The following LRRC4C variants were observed in gnomAD, a reference collection of about 807,000 sequenced individuals.
LRRC4C encodes leucine rich repeat containing 4C, also known as leucine-rich repeat-containing protein 4C.
LRRC4C carries 5 observed loss-of-function variants against 33.6 expected under a neutral mutation model. That is an observed-to-expected ratio of 0.15 (90% CI 0.08 to 0.31). The LOEUF is 0.31. LRRC4C is among the 10% of genes least tolerant of loss of function. The pLI is 1.00. For missense variants in LRRC4C, 560 were observed against 796.7 expected (o/e 0.70, Z 3.58); for synonymous variants, 329 against 302.0 (o/e 1.09, Z -0.93).
chr11:41,244,788 G>A (rs1948386190), intron 1 of LRRC4C, among the ~76,000 whole-genome samples: 1 of 152,168 alleles, frequency 6.6e-6, no homozygotes, highest in Admixed American at 6.5e-5. Flanking sequence ...ACTGAACATA[G>A]AACTTTACTC....
chr11:40,877,553 A>C (rs1271369337), intron 2 of LRRC4C, among the ~76,000 whole-genome samples: 1 of 152,154 alleles, frequency 6.6e-6, no homozygotes, highest in Non-Finnish European at 1.5e-5. Flanking sequence ...GCTAGCCAAA[A>C]GGGAAACACA....
chr11:40,890,015 C>G lies in LRRC4C; in HGVS notation c.-407+43620G>C, dbSNP rs180878577. Among the ~76,000 whole-genome samples, 5 of 152,216 alleles carry G rather than the reference C, an allele frequency of 3.3e-5. No homozygotes were observed. The East Asian group carries it at 7.7e-4, about 24-fold the overall frequency. ...AAGTTTAAATAATTAGATTCTTATT[C>G]TACAGACCAGAAACACCTTTTAATC... On this transcript the variant is annotated intron_variant, in intron 2 of 6. Coordinates refer to ENST00000528697, the MANE Select transcript of LRRC4C (RefSeq NM_001258419.2).
At chr11:40,717,981 T>G (rs1250396089) in intron 2 of LRRC4C, among the ~76,000 whole-genome samples, 4 of 152,196 alleles carry the variant, frequency 2.6e-5, no homozygotes, top group South Asian at 2.1e-4. Flanking sequence ...TAGAGACACG[T>G]GTGCATGTGT....
intron 1 of LRRC4C, among the ~76,000 whole-genome samples, chr11:40,968,085 G>T (rs1433770393): frequency 6.6e-6 from 1 of 152,000 alleles, no homozygotes; most frequent in African/African-American, 2.4e-5. Flanking sequence ...GAAATTAAAA[G>T]TGCCACTTCA....
At chr11:40,558,734 G>A (rs142255089) in intron 3 of LRRC4C, among the ~76,000 whole-genome samples, 5 of 152,248 alleles carry the variant, frequency 3.3e-5, no homozygotes, top group African/African-American at 9.6e-5. Flanking sequence ...GGAGGTAAAT[G>A]TGAAGGTTTT....
chr11:41,006,433 C>T (rs1352365578), intron 1 of LRRC4C, among the ~76,000 whole-genome samples: 3 of 152,180 alleles, frequency 2.0e-5, no homozygotes, highest in Admixed American at 1.3e-4. Context: ...ATACATCTCT[C>T]ATCTATTCAT....
intron 2 of LRRC4C, among the ~76,000 whole-genome samples, chr11:40,740,191 C>T (rs900425405): frequency 6.6e-6 from 1 of 151,756 alleles, no homozygotes; most frequent in Non-Finnish European, 1.5e-5. Context: ...AGTAGGATTC[C>T]TGGATCCTAT....
intron 1 of LRRC4C, among the ~76,000 whole-genome samples, chr11:41,217,423 C>T (rs538336697): frequency 3.0e-4 from 45 of 152,166 alleles, no homozygotes; most frequent in African/African-American, 7.9e-4. Flanking sequence ...AAGCAACTTG[C>T]CCAAGGTCAA....
At chr11:41,307,985 G>A (rs1419438547) in intron 1 of LRRC4C, among the ~76,000 whole-genome samples, 2 of 152,120 alleles carry the variant, frequency 1.3e-5, no homozygotes, top group Non-Finnish European at 2.9e-5. Context: ...CCTTTTATAA[G>A]GATTGCATGA....
intron 2 of LRRC4C, among the ~76,000 whole-genome samples, chr11:40,706,264 A>G (rs1366236513): frequency 6.6e-6 from 1 of 152,010 alleles, no homozygotes; most frequent in Non-Finnish European, 1.5e-5. Context: ...TTTTGGTGTT[A>G]TAGTCATGAA....
intron 1 of LRRC4C, among the ~76,000 whole-genome samples, chr11:41,397,992 C>T (rs1953883045): frequency 6.6e-6 from 1 of 151,932 alleles, no homozygotes; most frequent in African/African-American, 2.4e-5. Flanking sequence ...TTTCATCAGC[C>T]TAATGCCTCC....
chr11:40,885,330 C>T lies in LRRC4C; in HGVS notation c.-407+48305G>A, dbSNP rs747146664. Among the ~76,000 whole-genome samples, 12 of 151,890 alleles carry T rather than the reference C, an allele frequency of 7.9e-5. No homozygotes were observed. The South Asian group carries it at 1.0e-3, about 13-fold the overall frequency. ...TTTTTAGAGAAAGCAGATCTGAGCT[C>T]GATAAGGAGCAAGATCTAAGTTGCA... On this transcript the variant is annotated intron_variant, in intron 2 of 6. Transcript: ENST00000528697.
chr11:41,254,217 T>G (rs1003246640), intron 1 of LRRC4C, among the ~76,000 whole-genome samples: 2 of 152,064 alleles, frequency 1.3e-5, no homozygotes, highest in African/African-American at 4.8e-5. Context: ...ATTTTACTTA[T>G]TTAGGTAGTA....
intron 2 of LRRC4C, among the ~76,000 whole-genome samples, chr11:40,795,700 A>C (rs1047722351): frequency 6.6e-6 from 1 of 152,206 alleles, no homozygotes; most frequent in African/African-American, 2.4e-5. Context: ...GTTTATTTTG[A>C]GGTAGTATTA....
intron 2 of LRRC4C, among the ~76,000 whole-genome samples, chr11:40,911,291 C>T (rs571460696): frequency 2.0e-5 from 3 of 152,258 alleles, no homozygotes; most frequent in South Asian, 2.1e-4. Context: ...CTGGGAGGCA[C>T]CCCCGAGTAG....
intron 1 of LRRC4C, among the ~76,000 whole-genome samples, chr11:41,169,348 G>C (rs1378956679): frequency 6.6e-6 from 1 of 152,028 alleles, no homozygotes; most frequent in East Asian, 1.9e-4. Context: ...ATTATTAATC[G>C]AGTTAATTCA....
rs377656611 is a variant in LRRC4C, at chr11:40,348,675, CA to C, written c.-269-28955del. On this transcript the variant is annotated intron_variant, in intron 3 of 6. Coordinates refer to ENST00000528697, the MANE Select transcript of LRRC4C (RefSeq NM_001258419.2). Reference sequence around the variant, plus strand: ...CCTGCCTTCTTCACCAAAACCCATGCAAACTAAAAGATGTGATAATCCAAAT... The same window carrying C: ...CCTGCCTTCTTCACCAAAACCCATGCAACTAAAAGATGTGATAATCCAAAT... Among the ~76,000 whole-genome samples, 71 of 152,248 alleles carry C rather than the reference CA, an allele frequency of 4.7e-4. 2 individuals carry two copies. The highest frequency in any genetic ancestry group is 1.6e-3 in the African/African-American group (67 of 41,554).
chr11:40,172,175 C>T (rs1030623923), intron 5 of LRRC4C, among the ~76,000 whole-genome samples: 5 of 152,184 alleles, frequency 3.3e-5, no homozygotes, highest in Non-Finnish European at 7.4e-5. Flanking sequence ...TCACCAGACA[C>T]AACTTGATCT....
chr11:40,741,101 C>A (rs933908657), intron 2 of LRRC4C, among the ~76,000 whole-genome samples: 1 of 151,548 alleles, frequency 6.6e-6, no homozygotes, highest in African/African-American at 2.4e-5. Flanking sequence ...TTCTGCAGAC[C>A]TTTCTGGCTG....
Sources: allele counts gnomAD v4.1 joint callset (sites outside exome capture counted in the v4.1 genomes callset), GRCh38; gene constraint gnomAD v4.1.1; transcripts MANE v1.5; gene names NCBI Gene and HGNC (gene_info 2026-07-23, HGNC 2026-07-21).